The following JMY variants were observed in gnomAD, a reference collection of about 807,000 sequenced individuals.
JMY encodes junction mediating and regulatory protein, p53 cofactor.
A neutral mutation model predicts 103.3 loss-of-function variants in JMY; 46 were observed. The observed-to-expected ratio is 0.45, with a 90% CI of 0.35 to 0.57. The LOEUF (loss-of-function observed/expected upper bound fraction) is 0.57, where lower values mean the gene tolerates loss of function less well. Among genes scored for constraint, JMY ranks in the 20% least tolerant of loss-of-function variants. The pLI is 0.00. For missense variants in JMY, 1,238 were observed against 1,255.2 expected (o/e 0.99, Z 0.21); for synonymous variants, 526 against 489.3 (o/e 1.07, Z -0.99).
intron 7 of JMY, 36 bp downstream of exon 7, chr5:79,306,497 AT>A (rs778026167): frequency 8.7e-5 from 123 of 1,419,496 alleles, no homozygotes; most frequent in African/African-American, 2.0e-4. Context: ...ACAAAACTTA[AT>A]TTTTTTGCAT....
At chr5:79,274,897 A>G (rs12188484) in intron 1 of JMY, among the ~76,000 whole-genome samples, 160 of 152,168 alleles carry the variant, frequency 1.1e-3, no homozygotes, top group Middle Eastern at 3.4e-3. Flanking sequence ...GTCAAACTCT[A>G]CCTCCTTCAC....
chr5:79,316,171 G>T lies in JMY; in HGVS notation c.2831G>T (p.Arg944Ile). Residue 944 changes from arginine to isoleucine, a missense_variant, in exon 10 of 11, where the codon AGA becomes ATA. Coordinates refer to ENST00000396137, the MANE Select transcript of JMY (RefSeq NM_152405.5). ...AAGAAGGTACAGAAGGATGTTTTGA[G>T]AGAATCCTTCACACTTCTACCCGAT... ...KLKKVQKDVL[R>I]ESFTLLPDTD... The T allele has an allele frequency of 6.2e-7, 1 of 1,614,076 alleles. No individual in the cohort carries two copies. The highest frequency in any genetic ancestry group is 1.1e-5 in the South Asian group (1 of 91,068).
chr5:79,248,081 T>TG (rs1405498681), intron 1 of JMY, among the ~76,000 whole-genome samples: 2 of 151,512 alleles, frequency 1.3e-5, no homozygotes, highest in Non-Finnish European at 2.9e-5. Context: ...TTAGTAGAGA[T>TG]GGGGTTTCAC....
chr5:79,302,083 CAAA>C (rs33983370), intron 6 of JMY, among the ~76,000 whole-genome samples: 4 of 102,612 alleles, frequency 3.9e-5, no homozygotes, highest in Admixed American at 1.1e-4. Context: ...AACTCCGTCT[CAAA>C]AAAAAAAAAA....
At chr5:79,296,448 C>G (rs1440239723) in intron 4 of JMY, among the ~76,000 whole-genome samples, 2 of 152,158 alleles carry the variant, frequency 1.3e-5, no homozygotes, top group Non-Finnish European at 2.9e-5. Flanking sequence ...AAAACTTGCC[C>G]TTAACATCAT....
chr5:79,272,719 A>G (rs1440462671), intron 1 of JMY, among the ~76,000 whole-genome samples: 1 of 152,136 alleles, frequency 6.6e-6, no homozygotes, highest in Non-Finnish European at 1.5e-5. Flanking sequence ...CTGCAGCCTC[A>G]AACTCGTGAG....
intron 1 of JMY, among the ~76,000 whole-genome samples, chr5:79,241,111 G>A (rs1369995894): frequency 6.6e-6 from 1 of 151,882 alleles, no homozygotes; most frequent in Admixed American, 6.6e-5. Flanking sequence ...CCATTTAAAG[G>A]TTTCAACTTA....
intron 2 of JMY, 87 bp downstream of exon 2, chr5:79,278,170 TA>T (rs56785564): frequency 0.096 from 61,813 of 641,526 alleles, 55 homozygotes; most frequent in South Asian, 0.14. Context: ...AGAGGAACTT[TA>T]AAAAAAAAAA....
At chr5:79,278,133 A>T in intron 2 of JMY, 50 bp downstream of exon 2, 1 of 1,443,926 alleles carries the variant, frequency 6.9e-7, no homozygotes, top group Non-Finnish European at 9.5e-7. Context: ...CATAGTTCTC[A>T]GCCTGAAAGG....
intron 10 of JMY, among the ~76,000 whole-genome samples, chr5:79,316,548 A>G (rs561485130): frequency 5.3e-5 from 8 of 152,234 alleles, no homozygotes; most frequent in African/African-American, 1.7e-4. Flanking sequence ...TGTCCTCCTC[A>G]TTAAAAATTT....
chr5:79,273,077 GT>G (rs1434433825), intron 1 of JMY, among the ~76,000 whole-genome samples: 1 of 152,068 alleles, frequency 6.6e-6, no homozygotes, highest in African/African-American at 2.4e-5. Flanking sequence ...GAACACTCCT[GT>G]GTATTTTATA....
At chr5:79,291,785 C>G (rs142900500) in intron 4 of JMY, among the ~76,000 whole-genome samples, 4 of 152,292 alleles carry the variant, frequency 2.6e-5, no homozygotes, top group African/African-American at 9.6e-5. Flanking sequence ...CACTGTCTAT[C>G]CTTTTTTACT....
At chr5:79,280,211 A>G (rs1027707293) in intron 2 of JMY, among the ~76,000 whole-genome samples, 14 of 152,374 alleles carry the variant, frequency 9.2e-5, no homozygotes, top group Admixed American at 8.5e-4. Flanking sequence ...AAGGCCAGGA[A>G]TAAACTGGAC....
At chr5:79,275,145 G>A (rs896798587) in intron 1 of JMY, among the ~76,000 whole-genome samples, 1 of 151,086 alleles carries the variant, frequency 6.6e-6, no homozygotes, top group Non-Finnish European at 1.5e-5. Flanking sequence ...CAAGACTGTG[G>A]GTTTCTGAGG....
In JMY at chr5:79,236,916, G is replaced by A. The variant is rs1352977617; in HGVS notation, c.266G>A (p.Arg89Gln). 5.9e-6 allele frequency: 8 copies of A among 1,357,058 alleles called. No individual in the cohort carries two copies. The South Asian group carries it at 1.4e-4, about 24-fold the overall frequency. 84.1% of individuals were successfully genotyped at this position (1,357,058 alleles called of 1,614,324 possible). ...CCCGGCAGCCCGGCGGGCAGGGGTC[G>A]GCCCGAGGCCACTGCCTCTGCAACT... ...RGPGSPAGRG[R>Q]PEATASATLV... The change falls in exon 1 of 11, where the codon CGG (arginine) becomes CAG (glutamine). Residue 89 changes from arginine to glutamine, a missense_variant. Coordinates refer to ENST00000396137, the MANE Select transcript of JMY (RefSeq NM_152405.5).
intron 1 of JMY, among the ~76,000 whole-genome samples, chr5:79,263,831 CTT>C (rs1488739629): frequency 6.6e-5 from 10 of 151,514 alleles, no homozygotes; most frequent in African/African-American, 1.9e-4. Flanking sequence ...GAGTTTCACT[CTT>C]GTCGCCCAGG....
intron 1 of JMY, among the ~76,000 whole-genome samples, chr5:79,263,142 T>C (rs1220660115): frequency 6.6e-6 from 1 of 152,214 alleles, no homozygotes; most frequent in Non-Finnish European, 1.5e-5. Flanking sequence ...ACACTTTTGC[T>C]ATTCCTGAAA....
intron 6 of JMY, among the ~76,000 whole-genome samples, chr5:79,304,335 A>G (rs1265336440): frequency 6.6e-6 from 1 of 152,200 alleles, no homozygotes; most frequent in East Asian, 1.9e-4. Flanking sequence ...CCTATGTAAC[A>G]TAATCCTATA....
intron 1 of JMY, among the ~76,000 whole-genome samples, chr5:79,252,321 A>G (rs1290962175): frequency 2.6e-5 from 4 of 151,308 alleles, no homozygotes; most frequent in Admixed American, 2.6e-4. Flanking sequence ...GGTCAGAGAA[A>G]ATGCTTGATA....
Sources: allele counts gnomAD v4.1 joint callset (sites outside exome capture counted in the v4.1 genomes callset), GRCh38; gene constraint gnomAD v4.1.1; transcripts MANE v1.5; gene names NCBI Gene and HGNC (gene_info 2026-07-23, HGNC 2026-07-21).